The following ARB2A variants were observed in gnomAD, a reference collection of about 807,000 sequenced individuals.
ARB2A encodes ARB2 cotranscriptional regulator A, also known as cotranscriptional regulator ARB2A.
chr5:93,812,494 G>C, the ARB2A span, among the ~76,000 whole-genome samples: 1 of 152,156 alleles, frequency 6.6e-6, no homozygotes, highest in African/African-American at 2.4e-5. Flanking sequence ...AAGGAGTCAA[G>C]ACTGGGGATT....
the ARB2A span, among the ~76,000 whole-genome samples, chr5:93,703,308 G>T: frequency 6.6e-6 from 1 of 152,176 alleles, no homozygotes; most frequent in Non-Finnish European, 1.5e-5. Flanking sequence ...GCAACTATCA[G>T]ATCTGGATTA....
the ARB2A span, among the ~76,000 whole-genome samples, chr5:93,843,748 A>G: frequency 6.6e-6 from 1 of 152,206 alleles, no homozygotes; most frequent in Non-Finnish European, 1.5e-5. Context: ...GAAGGGTTAA[A>G]TGATTAAGTT....
the ARB2A span, among the ~76,000 whole-genome samples, chr5:93,793,445 T>C: frequency 1.3e-5 from 2 of 151,800 alleles, no homozygotes; most frequent in Admixed American, 6.6e-5. Context: ...ATATCCTGTA[T>C]TTTTTTCTTC....
chr5:94,085,544 C>T, the ARB2A span, among the ~76,000 whole-genome samples: 1 of 152,140 alleles, frequency 6.6e-6, no homozygotes, highest in African/African-American at 2.4e-5. Flanking sequence ...AGGGCTTTCT[C>T]AAGAAAGATA....
the ARB2A span, among the ~76,000 whole-genome samples, chr5:93,841,439 C>T: frequency 1.3e-5 from 2 of 152,054 alleles, no homozygotes; most frequent in African/African-American, 4.8e-5. Flanking sequence ...TGTGTATAGG[C>T]TACATGCAAA....
At chr5:93,641,126 G>A in the ARB2A span, among the ~76,000 whole-genome samples, 2 of 151,758 alleles carry the variant, frequency 1.3e-5, no homozygotes, top group Non-Finnish European at 2.9e-5. Flanking sequence ...CTTGAACCCG[G>A]GAGGTGGAGG....
chr5:93,851,468 T>C, the ARB2A span, among the ~76,000 whole-genome samples: 1 of 152,184 alleles, frequency 6.6e-6, no homozygotes, highest in Non-Finnish European at 1.5e-5. Flanking sequence ...TTATTATTAT[T>C]ATACTTTAAG....
At chr5:93,972,750 A>T in the ARB2A span, among the ~76,000 whole-genome samples, 1 of 152,104 alleles carries the variant, frequency 6.6e-6, no homozygotes, top group South Asian at 2.1e-4. Flanking sequence ...TATATTAAGA[A>T]AGAACCAAAT....
the ARB2A span, among the ~76,000 whole-genome samples, chr5:93,967,122 A>G: frequency 6.6e-6 from 1 of 152,172 alleles, no homozygotes; most frequent in Non-Finnish European, 1.5e-5. Context: ...CTGCATTTAG[A>G]AAAACCAAAA....
chr5:93,757,835 C>CA, the ARB2A span, among the ~76,000 whole-genome samples: 5 of 151,876 alleles, frequency 3.3e-5, no homozygotes, highest in East Asian at 9.7e-4. Context: ...AATCAAAAAA[C>CA]AAAAAAACCA....
the ARB2A span, among the ~76,000 whole-genome samples, chr5:93,942,692 T>G: frequency 1.3e-5 from 2 of 151,562 alleles, no homozygotes; most frequent in Admixed American, 6.6e-5. Flanking sequence ...AAAAGTAATA[T>G]CTTTTTAAAT....
the ARB2A span, among the ~76,000 whole-genome samples, chr5:93,902,353 T>C: frequency 1.3e-5 from 2 of 152,062 alleles, no homozygotes; most frequent in African/African-American, 2.4e-5. Context: ...TGTAAAGAAA[T>C]ATTTTAGACA....
At chr5:93,913,590 A>T in the ARB2A span, among the ~76,000 whole-genome samples, 2 of 151,678 alleles carry the variant, frequency 1.3e-5, no homozygotes, top group East Asian at 2.0e-4. Flanking sequence ...AGAAAAGGAT[A>T]AAAAAAAGTC....
chr5:94,065,030 A>G, the ARB2A span, among the ~76,000 whole-genome samples: 1 of 152,250 alleles, frequency 6.6e-6, no homozygotes, highest in African/African-American at 2.4e-5. Flanking sequence ...TAATGCAATA[A>G]GAATCAATAA....
chr5:94,001,282 G>A, the ARB2A span, among the ~76,000 whole-genome samples: 1 of 151,854 alleles, frequency 6.6e-6, no homozygotes, highest in Admixed American at 6.6e-5. Flanking sequence ...CCATGAACAT[G>A]GTATATCTAT....
the ARB2A span, among the ~76,000 whole-genome samples, chr5:93,853,760 A>G: frequency 6.6e-6 from 1 of 152,132 alleles, no homozygotes; most frequent in Non-Finnish European, 1.5e-5. Flanking sequence ...TGGATTACAT[A>G]AATTGATTTG....
chr5:93,824,018 T>A, the ARB2A span: 1 of 624,234 alleles, frequency 1.6e-6, no homozygotes, highest in Non-Finnish European at 2.4e-6. Context: ...ATCATAAAAT[T>A]ATTTACTCAA....
At chr5:93,622,404 T>C in the ARB2A span, among the ~76,000 whole-genome samples, 3 of 152,258 alleles carry the variant, frequency 2.0e-5, no homozygotes, top group African/African-American at 7.2e-5. Flanking sequence ...AACACTTTGC[T>C]TTCCCCTTCA....
At chr5:93,883,434 C>T in the ARB2A span, among the ~76,000 whole-genome samples, 1 of 151,438 alleles carries the variant, frequency 6.6e-6, no homozygotes, top group Non-Finnish European at 1.5e-5. Context: ...TTTCTTAGCT[C>T]TAAGTCAAAA....
Sources: gnomAD v4.1 joint callset for allele counts (sites outside exome capture counted in the v4.1 genomes callset) on GRCh38, gnomAD v4.1.1 for gene constraint, MANE v1.5 for transcripts, NCBI Gene and HGNC (gene_info 2026-07-23, HGNC 2026-07-21) for gene names.